Variants in BAZ2A observed in about 807,000 individuals in gnomAD.
The protein encoded by BAZ2A is bromodomain adjacent to zinc finger domain protein 2A.
In BAZ2A, 34 loss-of-function variants were observed where a neutral mutation model predicts 199.9. The ratio of observed to expected loss-of-function variants is 0.17; its 90% CI spans 0.13 to 0.23. The LOEUF (loss-of-function observed/expected upper bound fraction) is 0.23. Ranked by LOEUF, BAZ2A falls within the 10% of genes least tolerant of loss-of-function variation. BAZ2A has a pLI of 1.00. For synonymous variants in BAZ2A, 857 were observed against 883.9 expected (o/e 0.97, Z 0.54); for missense variants, 2,002 against 2,391.1 (o/e 0.84, Z 3.39).
At chr12:56,602,228 A>G (rs746177728) in intron 19 of BAZ2A, 36 bp from the exon 20 acceptor site, 1 of 1,500,620 alleles carries the variant, frequency 6.7e-7, no homozygotes, top group East Asian at 2.4e-5. Flanking sequence ...CCATATGCTG[A>G]CATACAAGGG....
chr12:56,613,397 T>C (rs1950621045), intron 4 of BAZ2A, among the ~76,000 whole-genome samples, 164 bp from the exon 5 acceptor site: 1 of 151,812 alleles, frequency 6.6e-6, no homozygotes, highest in South Asian at 2.1e-4. Context: ...CCTGAAAGAG[T>C]AGTCATGAGA....
chr12:56,603,522 C>G lies in BAZ2A; in HGVS notation c.3217G>C (p.Glu1073Gln). ...VPGRRGRRDG[E>Q]VDATASSIPE... ...TTTCCTTGATCTTGGGCCAGTACCTCTCCATCTCTTCGACCCCTGCGGCCA... is the reference window on the plus strand; with the variant it reads ...TTTCCTTGATCTTGGGCCAGTACCTGTCCATCTCTTCGACCCCTGCGGCCA... Residue 1073 changes from glutamate to glutamine, a missense_variant and splice_region_variant, in exon 17 of 29, where the codon GAG (glutamate) becomes CAG (glutamine). By Grantham distance (29) the Glu-to-Gln change is conservative. Coordinates refer to ENST00000549884, the MANE Select transcript of BAZ2A (RefSeq NM_001300905.2). The G allele has an allele frequency of 6.2e-7, 1 of 1,614,008 alleles. No homozygotes were observed. Among genetic ancestry groups the G allele is most frequent in the African/African-American group, 1.3e-5 (1 of 75,044 alleles).
intron 11 of BAZ2A, 120 bp from the exon 12 acceptor site, chr12:56,606,432 G>A (rs1254906265): frequency 5.5e-6 from 7 of 1,273,196 alleles, no homozygotes; most frequent in Admixed American, 1.9e-5. Flanking sequence ...TGAGGGGTTG[G>A]CAATGGATTA....
rs756802819 is a variant in BAZ2A at position 56,601,755 on chromosome 12, G to A, written c.3862C>T (p.Pro1288Ser). 6.2e-7 allele frequency: 1 copy of A among 1,613,986 alleles called. No individual in the cohort carries two copies. Among genetic ancestry groups the A allele is most frequent in the East Asian group, 2.2e-5 (1 of 44,890 alleles). ...TCTAGTTTTCCCGGACTGCTATCAG[G>A]TGTGAGGACTGAGCTGCTCAACAGG... Reference protein sequence around the residue: ...SSLLSSSVLTPDSSPGKLDPA... With the variant: ...SSLLSSSVLTSDSSPGKLDPA... Residue 1288 changes from proline to serine, a missense_variant, in exon 20 of 29, where the codon CCT (proline) becomes TCT (serine). Physicochemically the swap from Pro to Ser is moderately conservative, Grantham distance 74. Transcript: ENST00000549884.
chr12:56,601,660 T>G lies in BAZ2A; in HGVS notation c.3957A>C (p.Ala1319=). 1 of 1,613,728 alleles carries G rather than the reference T, an allele frequency of 6.2e-7. No individual in the cohort carries two copies. Among genetic ancestry groups the G allele is most frequent in the Non-Finnish European group, 8.5e-7 (1 of 1,179,806 alleles). ...TCTGGGCTGAGATGTTAAACCAGAG[T>G]GCTTGAGGATCAGGGCTGGATTCTG... ...DEAESSPDPQ[A]LWFNISAQMP... The change falls in exon 20 of 29, where the codon GCA becomes GCC. Residue 1319 remains alanine (A), a synonymous_variant. Coordinates refer to ENST00000549884, the MANE Select transcript of BAZ2A (RefSeq NM_001300905.2).
intron 1 of BAZ2A, among the ~76,000 whole-genome samples, chr12:56,629,818 C>T (rs569058951): frequency 5.9e-5 from 9 of 151,802 alleles, no homozygotes; most frequent in African/African-American, 2.2e-4. Flanking sequence ...AAGTCCCCCA[C>T]AGGAGTCATC....
intron 10 of BAZ2A, 40 bp downstream of exon 10, chr12:56,609,696 T>G (rs762721321): frequency 1.9e-6 from 3 of 1,578,968 alleles, no homozygotes; most frequent in Non-Finnish European, 2.6e-6. Flanking sequence ...AGATACCTCA[T>G]GGAGGGAGCA....
In BAZ2A at chr12:56,598,717, G is replaced by A. The variant is rs151110106; in HGVS notation, c.5613C>T (p.Asn1871=). 10,808 of 1,613,552 alleles carry A rather than the reference G, an allele frequency of 6.7e-3. 52 individuals are homozygous for A. Among genetic ancestry groups the A allele is most frequent in the Middle Eastern group, 8.7e-3 (53 of 6,062 alleles). ...LLVFDNCQTF[N]EDDSEVGKAG... is the part of the protein sequence containing the mutation. ...CCTTGCCTACTTCAGAGTCATCCTCGTTGAAAGTCTGGCAGTTGTCAAATA... is the reference window on the plus strand; with the variant it reads ...CCTTGCCTACTTCAGAGTCATCCTCATTGAAAGTCTGGCAGTTGTCAAATA... The change falls in exon 29 of 29, where the codon AAC becomes AAT. Residue 1871 remains asparagine (N), a synonymous_variant. Transcript: ENST00000549884.
rs961668769 is a variant in BAZ2A, at chr12:56,600,306, T to A, written c.4787A>T (p.Glu1596Val). Reference protein sequence around the residue: ...MRLAALEQNVERRYLREPLWP... With the variant: ...MRLAALEQNVVRRYLREPLWP... The stretch of plus-strand genomic sequence containing the variant: ...GAGGGGCTCCCGCAGGTACCGCCGT[T>A]CTACATTCTGTTCCAGGGCAGCCAG... The change falls in exon 24 of 29, where the codon GAA becomes GTA. Residue 1596 changes from glutamate (E) to valine (V), a missense_variant. This residue lies in a region of BAZ2A where 1,081 missense variants were observed against 1,274.7 expected (regional missense o/e 0.85). Transcript: ENST00000549884. 2 of 1,613,854 alleles carry A rather than the reference T, an allele frequency of 1.2e-6. No homozygotes were observed. The highest frequency in any genetic ancestry group is 1.7e-6 in the Non-Finnish European group (2 of 1,179,888).
rs772633464 is a variant in BAZ2A, at chr12:56,602,863, T to C, written c.3280-6A>G. ...TTGCGAAAGAAAAGCTGACGCTGGG[T>C]AGACAATGAAAATGAAGATGAATAA... On this transcript the variant is annotated splice_region_variant and splice_polypyrimidine_tract_variant and intron_variant, in intron 18 of 28. Transcript: ENST00000549884. 5.6e-6 allele frequency: 9 copies of C among 1,606,024 alleles called. No individual in the cohort carries two copies. In the South Asian group the frequency reaches 1.0e-4, roughly 18 times the overall value.
At position 56,600,511 on chromosome 12, in the gene BAZ2A, T is replaced by C. The variant is rs376161330; in HGVS notation, c.4603-21A>G. The C allele has an allele frequency of 3.8e-6, 6 of 1,592,544 alleles. No individual in the cohort carries two copies. In the African/African-American group the frequency reaches 8.2e-5, roughly 22 times the overall value. On this transcript the variant is annotated intron_variant, in intron 23 of 28. Transcript: ENST00000549884. ...CAGCCCTTCAGTTAAGAGAGAGGAATAAAACTCACTGTAAAAGGAGGAAAA... is the reference window on the plus strand; with the variant it reads ...CAGCCCTTCAGTTAAGAGAGAGGAACAAAACTCACTGTAAAAGGAGGAAAA...
In BAZ2A at chr12:56,599,301, T is replaced by C; in HGVS notation, c.5230A>G (p.Lys1744Glu). ...PGFPKRGQKR[K>E]SGYSLNFSEG... ...GAGAAGTTCAGCGAATAACCACTTT[T>C]CCGCTTCTGGCCACGCTTTGGGAAA... Residue 1744 changes from lysine (K) to glutamate (E), a missense_variant, in exon 27 of 29, where the codon AAA becomes GAA. Lys to Glu is a moderately conservative substitution (Grantham distance 56). This residue lies in a region of BAZ2A where 122 missense variants were observed against 123.0 expected (regional missense o/e 0.99). Coordinates refer to ENST00000549884, the MANE Select transcript of BAZ2A (RefSeq NM_001300905.2). 1 of 1,613,724 alleles carries C rather than the reference T, an allele frequency of 6.2e-7. No individual in the cohort carries two copies. The highest frequency in any genetic ancestry group is 1.1e-5 in the South Asian group (1 of 91,022).
At position 56,598,674 on chromosome 12, in the gene BAZ2A, G is replaced by A. The variant is rs776034004; in HGVS notation, c.5656C>T (p.Arg1886Cys). The change falls in exon 29 of 29, where the codon CGC becomes TGC. Residue 1886 changes from arginine (R) to cysteine (C), a missense_variant. Coordinates refer to ENST00000549884, the MANE Select transcript of BAZ2A (RefSeq NM_001300905.2). The part of the protein sequence containing the change: ...EVGKAGHIMR[R>C]FFESRWEEFY... The stretch of plus-strand genomic sequence containing the variant: ...TCCTCCCAGCGGCTCTCGAAGAAGC[G>A]GCGCATGATGTGCCCAGCCTTGCCT... 8 of 1,613,644 alleles carry A rather than the reference G, an allele frequency of 5.0e-6. No homozygotes were observed. Among genetic ancestry groups the A allele is most frequent in the East Asian group, 4.5e-5 (2 of 44,874 alleles).
chr12:56,603,818 G>A, intron 16 of BAZ2A, 118 bp from the exon 17 acceptor site: 2 of 1,147,118 alleles, frequency 1.7e-6, no homozygotes. Context: ...TTCGAGACCA[G>A]CCTGGCCAAC....
Position 56,598,268 on chromosome 12 carries a change from G to A in BAZ2A, c.*350C>T, listed in dbSNP as rs930080436. On this transcript the variant is annotated 3_prime_UTR_variant, in exon 29 of 29. Coordinates refer to ENST00000549884, the MANE Select transcript of BAZ2A (RefSeq NM_001300905.2). ...AAATAACCCCAGAATGCTGGGGCAC[G>A]TACAGGGGAGGAGAGGAAGCAGGGA... 7 of 267,640 alleles carry A rather than the reference G, an allele frequency of 2.6e-5. No individual in the cohort carries two copies. The highest frequency in any genetic ancestry group is 4.5e-5 in the African/African-American group (2 of 44,336). 16.6% of individuals were successfully genotyped at this position (267,640 alleles called of 1,614,324 possible). A position where few individuals can be genotyped will look rare whatever the true frequency, so the allele number is the denominator to read the frequency against.
chr12:56,612,977 G>A (rs976960169), intron 5 of BAZ2A, 38 bp downstream of exon 5: 17 of 1,564,544 alleles, frequency 1.1e-5, no homozygotes, highest in Admixed American at 1.7e-5. Flanking sequence ...TCTTTTCTCA[G>A]GTAAAGGTCT....
upstream of BAZ2A, chr12:56,630,342 G>C (rs866936147): frequency 9.4e-6 from 9 of 953,824 alleles, no homozygotes; most frequent in Admixed American, 2.5e-4. Context: ...GGAGCCGGAG[G>C]GGGCGGAGAA....
Position 56,600,412 on chromosome 12 carries a change from T to C in BAZ2A, c.4681A>G (p.Ile1561Val). The C allele has an allele frequency of 6.2e-7, 1 of 1,614,020 alleles. No homozygotes were observed. The highest frequency in any genetic ancestry group is 1.3e-5 in the African/African-American group (1 of 75,042). ...CEHLSDSQED[I>V]TWRGRGREGL... is the part of the protein sequence containing the mutation. Reference sequence around the variant, plus strand: ...TCCCTGCCCCGACCTCGCCAGGTGATATCCTCCTGGGAGTCGGAGAGGTGC... The same window carrying C: ...TCCCTGCCCCGACCTCGCCAGGTGACATCCTCCTGGGAGTCGGAGAGGTGC... The change falls in exon 24 of 29, where the codon ATC (isoleucine) becomes GTC (valine). Residue 1561 changes from isoleucine to valine, a missense_variant. By Grantham distance (29) the Ile-to-Val change is conservative (BLOSUM62 3). This residue lies in a region of BAZ2A where 1,081 missense variants were observed against 1,274.7 expected (regional missense o/e 0.85). Transcript: ENST00000549884.
chr12:56,629,942 C>T (rs539307343), intron 1 of BAZ2A, 183 bp downstream of exon 1: 35 of 355,160 alleles, frequency 9.9e-5, no homozygotes, highest in African/African-American at 7.3e-4. Context: ...CCCTGTTCTC[C>T]TCCCAGACCC....
Sources: allele counts gnomAD v4.1 joint callset (sites outside exome capture counted in the v4.1 genomes callset), GRCh38; gene constraint gnomAD v4.1.1; regional missense constraint gnomAD v4.1.1; transcripts MANE v1.5; gene names NCBI Gene and HGNC (gene_info 2026-07-23, HGNC 2026-07-21).